Variants in UTRN observed in about 807,000 individuals in gnomAD.
UTRN encodes the protein dystrophin-related protein 1.
A neutral mutation model predicts 463.9 loss-of-function variants in UTRN; 283 were observed. The observed-to-expected ratio is 0.61, with a 90% CI of 0.55 to 0.67. The LOEUF (loss-of-function observed/expected upper bound fraction) is 0.67. Ranked by LOEUF, UTRN falls within the 30% of genes least tolerant of loss-of-function variation. UTRN has a pLI of 0.00. For synonymous variants in UTRN, 1,442 were observed against 1,431.5 expected (o/e 1.01, Z -0.17); for missense variants, 3,922 against 4,084.3 (o/e 0.96, Z 1.08).
chr6:144,777,467 G>A (rs1487009063), intron 60 of UTRN, among the ~76,000 whole-genome samples: 2 of 152,090 alleles, frequency 1.3e-5, no homozygotes, highest in Admixed American at 6.5e-5. Flanking sequence ...AAAGGTTAAT[G>A]GTTACCCCAT....
At chr6:144,329,146 G>A (rs1159084488) in intron 2 of UTRN, among the ~76,000 whole-genome samples, 1 of 148,620 alleles carries the variant, frequency 6.7e-6, no homozygotes, top group Non-Finnish European at 1.5e-5. Context: ...GTAGGGGGGC[G>A]ATCTCGGCTC....
At chr6:144,494,771 GCATTCA>G (rs1793436168) in intron 33 of UTRN, among the ~76,000 whole-genome samples, 1 of 152,204 alleles carries the variant, frequency 6.6e-6, no homozygotes. Flanking sequence ...GTTGATTGGT[GCATTCA>G]CAAACCCTGA....
chr6:144,604,916 AAAAT>A (rs1365814238), intron 51 of UTRN, among the ~76,000 whole-genome samples: 2 of 151,550 alleles, frequency 1.3e-5, no homozygotes, highest in African/African-American at 4.8e-5. Context: ...ACTCGGTCTC[AAAAT>A]AAATAAATAA....
Position 144,440,464 on chromosome 6 carries a change from A to C in UTRN, c.1505A>C (p.Gln502Pro). ...AGTGCTACAGCTATCCTAGAAGACC[A>C]GTTACAGGTAAGAGTGCTGTAAAGT... ...GESATAILEDQLQKLGERWTA... is the reference protein window; with the variant it reads ...GESATAILEDPLQKLGERWTA... Residue 502 changes from glutamine to proline, a missense_variant, in exon 13 of 75, where the codon CAG (glutamine) becomes CCG (proline). Transcript: ENST00000367545. 1 of 1,614,188 alleles carries C rather than the reference A, an allele frequency of 6.2e-7. No homozygotes were observed. The highest frequency in any genetic ancestry group is 8.5e-7 in the Non-Finnish European group (1 of 1,180,026).
At chr6:144,831,499 C>T (rs924741904) in intron 69 of UTRN, among the ~76,000 whole-genome samples, 1 of 152,070 alleles carries the variant, frequency 6.6e-6, no homozygotes, top group Non-Finnish European at 1.5e-5. Context: ...CTAGGATGGG[C>T]ATTATTATGA....
intron 53 of UTRN, among the ~76,000 whole-genome samples, chr6:144,700,968 A>G (rs954696498): frequency 9.9e-5 from 15 of 151,536 alleles, no homozygotes; most frequent in African/African-American, 3.2e-4. Flanking sequence ...GTGCAGTGGC[A>G]TGATCTCAGC....
Position 144,620,452 on chromosome 6 carries a change from A to G in UTRN, c.7479+43164A>G, listed in dbSNP as rs564048297. 8.5e-4 allele frequency among the ~76,000 whole-genome samples: 130 copies of G among 152,144 alleles called. 1 individual carries two copies. Among genetic ancestry groups the G allele is most frequent in the Non-Finnish European group, 1.5e-3 (101 of 67,964 alleles). ...TCAAAAAATCACTTTGAAAAAAAGC[A>G]TAGCTTCTCAAGGGAAAGAAGAACC... On this transcript the variant is annotated intron_variant, in intron 51 of 74. Coordinates refer to ENST00000367545, the MANE Select transcript of UTRN (RefSeq NM_007124.3).
At chr6:144,700,874 C>T (rs1167399822) in intron 53 of UTRN, among the ~76,000 whole-genome samples, 1 of 151,470 alleles carries the variant, frequency 6.6e-6, no homozygotes, top group Non-Finnish European at 1.5e-5. Context: ...GCTGGGACTA[C>T]AGGCACCTGC....
At chr6:144,487,393 TG>T (rs757762028) in intron 28 of UTRN, among the ~76,000 whole-genome samples, 154 bp from the exon 29 acceptor site, 15 of 152,246 alleles carry the variant, frequency 9.9e-5, no homozygotes, top group Non-Finnish European at 1.9e-4. Context: ...TGGATATTTT[TG>T]TGAATTAGTA....
At chr6:144,439,271 C>A (rs959595393) in intron 12 of UTRN, among the ~76,000 whole-genome samples, 1 of 152,086 alleles carries the variant, frequency 6.6e-6, no homozygotes, top group Non-Finnish European at 1.5e-5. Flanking sequence ...AGTTAGGAAC[C>A]AAAATTGGGT....
intron 58 of UTRN, among the ~76,000 whole-genome samples, chr6:144,762,095 T>C (rs1792760401): frequency 6.6e-6 from 1 of 152,200 alleles, no homozygotes; most frequent in African/African-American, 2.4e-5. Context: ...GAAGTATAGG[T>C]ACTATAATTA....
intron 2 of UTRN, among the ~76,000 whole-genome samples, chr6:144,306,061 C>T (rs756136866): frequency 1.3e-5 from 2 of 152,192 alleles, no homozygotes; most frequent in Non-Finnish European, 2.9e-5. Flanking sequence ...TACCTCACAC[C>T]CTGCACACAC....
At chr6:144,565,208 G>A (rs1200392527) in intron 50 of UTRN, among the ~76,000 whole-genome samples, 3 of 152,194 alleles carry the variant, frequency 2.0e-5, no homozygotes, top group African/African-American at 4.8e-5. Flanking sequence ...TTTGTAAAAG[G>A]ATGAGTGGTG....
chr6:144,700,215 C>G lies in UTRN; in HGVS notation c.7781C>G (p.Ala2594Gly). 6.2e-7 allele frequency: 1 copy of G among 1,613,154 alleles called. No individual in the cohort carries two copies. The highest frequency in any genetic ancestry group is 8.5e-7 in the Non-Finnish European group (1 of 1,179,384). ...ATGCCTATTGGAGGAGATGTTCCAG[C>G]CTTACAGCTCCAGTATGACCATTGT... ...KQMPIGGDVP[A>G]LQLQYDHCKA... is the part of the protein sequence containing the mutation. Residue 2594 changes from alanine (A) to glycine (G), a missense_variant, in exon 53 of 75, where the codon GCC becomes GGC. Physicochemically the swap from Ala to Gly is moderately conservative, Grantham distance 60. Coordinates refer to ENST00000367545, the MANE Select transcript of UTRN (RefSeq NM_007124.3).
chr6:144,521,689 T>A (rs777251924), intron 39 of UTRN, among the ~76,000 whole-genome samples: 1 of 152,050 alleles, frequency 6.6e-6, no homozygotes, highest in Non-Finnish European at 1.5e-5. Flanking sequence ...AGAAAGGAAT[T>A]GTTGTTTTTT....
intron 23 of UTRN, among the ~76,000 whole-genome samples, chr6:144,465,007 G>A (rs1789797201): frequency 6.6e-6 from 1 of 152,200 alleles, no homozygotes; most frequent in Non-Finnish European, 1.5e-5. Context: ...TGTCAGAACT[G>A]TGGGAGAAGA....
intron 2 of UTRN, among the ~76,000 whole-genome samples, chr6:144,339,487 C>G (rs1776976986): frequency 6.6e-6 from 1 of 151,718 alleles, no homozygotes. Flanking sequence ...TCATTGTACT[C>G]TGGTTATGTA....
intron 2 of UTRN, among the ~76,000 whole-genome samples, chr6:144,305,064 T>G (rs1407922036): frequency 6.6e-6 from 1 of 152,120 alleles, no homozygotes. Context: ...CCCGAATAGC[T>G]GAGATTACAG....
chr6:144,625,733 C>A (rs901225301), intron 51 of UTRN, among the ~76,000 whole-genome samples: 5 of 152,212 alleles, frequency 3.3e-5, no homozygotes, highest in African/African-American at 1.2e-4. Flanking sequence ...TTATTAGAAT[C>A]TTTACCTTCT....
Sources: allele counts gnomAD v4.1 joint callset (sites outside exome capture counted in the v4.1 genomes callset), GRCh38; gene constraint gnomAD v4.1.1; transcripts MANE v1.5; gene names NCBI Gene and HGNC (gene_info 2026-07-23, HGNC 2026-07-21).